CCDC50: variants seen among roughly 807,000 people sequenced by gnomAD.
The protein encoded by CCDC50 is coiled-coil domain-containing protein 50.
CCDC50 carries 54 observed loss-of-function variants against 70.2 expected under a neutral mutation model. The observed-to-expected ratio is 0.77, with a 90% CI of 0.62 to 0.96. CCDC50 has a LOEUF of 0.96. Among genes scored for constraint, CCDC50 ranks in the 50% least tolerant of loss-of-function variants. The pLI, the probability that CCDC50 is intolerant of heterozygous loss-of-function variation, is 0.00. For missense variants in CCDC50, 558 were observed against 578.7 expected (o/e 0.96, Z 0.37); for synonymous variants, 216 against 198.8 (o/e 1.09, Z -0.73).
chr3:191,386,300 C>CT (rs1314033528), intron 10 of CCDC50, among the ~76,000 whole-genome samples: 12 of 146,596 alleles, frequency 8.2e-5, no homozygotes, highest in Non-Finnish European at 1.5e-5. Flanking sequence ...CCTGGGCTCA[C>CT]TGCAACCTCT....
chr3:191,336,663 GA>G, intron 1 of CCDC50, among the ~76,000 whole-genome samples: 1 of 152,154 alleles, frequency 6.6e-6, no homozygotes, highest in South Asian at 2.1e-4. Context: ...AGCCCTACTT[GA>G]TATTAGCTAA....
chr3:191,357,344 G>A (rs1435913331), intron 2 of CCDC50, among the ~76,000 whole-genome samples, 194 bp downstream of exon 2: 2 of 152,174 alleles, frequency 1.3e-5, no homozygotes, highest in Admixed American at 6.5e-5. Flanking sequence ...AAGATAGGCT[G>A]CCAGGAATTA....
In CCDC50 at chr3:191,393,365, A is replaced by T. The variant is rs1450647516; in HGVS notation, c.*1605A>T. 1 of 152,174 alleles carries T rather than the reference A, an allele frequency of 6.6e-6. No homozygotes were observed. The highest frequency in any genetic ancestry group is 1.5e-5 in the Non-Finnish European group (1 of 68,044). 9.4% of individuals were successfully genotyped at this position (152,174 alleles called of 1,614,324 possible). On this transcript the variant is annotated 3_prime_UTR_variant, in exon 12 of 12. Transcript: ENST00000392455. ...AGGGAAAAAATATGTAGGTCACTAG[A>T]GAAAAATGTTAATTTTTTTCCCACT...
At chr3:191,346,117 G>A (rs984616162) in intron 1 of CCDC50, among the ~76,000 whole-genome samples, 1 of 152,244 alleles carries the variant, frequency 6.6e-6, no homozygotes, top group South Asian at 2.1e-4. Flanking sequence ...GGGACCATAT[G>A]TGGGCTTTAC....
At chr3:191,374,985 C>T in intron 5 of CCDC50, 77 bp from the exon 6 acceptor site, 1 of 1,435,920 alleles carries the variant, frequency 7.0e-7, no homozygotes, top group South Asian at 1.2e-5. Context: ...CCCAGACTCC[C>T]CCCTGTGTAG....
chr3:191,339,944 G>A (rs1711664965), intron 1 of CCDC50, among the ~76,000 whole-genome samples: 1 of 152,152 alleles, frequency 6.6e-6, no homozygotes, highest in African/African-American at 2.4e-5. Flanking sequence ...AGTGAAATCA[G>A]CAGCAGCAAT....
chr3:191,365,088 A>ATGTGTG (rs111869044), intron 4 of CCDC50, among the ~76,000 whole-genome samples: 33,516 of 151,498 alleles, frequency 0.22, 3,783 homozygotes, highest in Non-Finnish European at 0.25. Flanking sequence ...GCATGACTAG[A>ATGTGTG]TGTGTGTGTG....
intron 1 of CCDC50, among the ~76,000 whole-genome samples, chr3:191,331,363 A>C (rs566692491): frequency 6.6e-6 from 1 of 152,338 alleles, no homozygotes; most frequent in Admixed American, 6.5e-5. Context: ...TCGTACCAAG[A>C]CATGAATGAT....
rs751140851 is a variant in CCDC50 at position 191,375,266 on chromosome 3, T to C, written c.653T>C (p.Ile218Thr). 1.9e-6 allele frequency: 3 copies of C among 1,613,680 alleles called. No homozygotes were observed. Among genetic ancestry groups the C allele is most frequent in the Non-Finnish European group, 2.5e-6 (3 of 1,179,802 alleles). Residue 218 changes from isoleucine (I) to threonine (T), a missense_variant, in exon 6 of 12, where the codon ATT becomes ACT. By Grantham distance (89) the Ile-to-Thr change is moderately conservative. Transcript: ENST00000392455. ...SSGKGRDNPH[I>T]NNEQHERKRS... ...GGCAAAGGGAGGGACAATCCCCATA[T>C]TAACAATGAGCAGCATGAAAGGAAA...
At chr3:191,369,742 T>C (rs552712393) in intron 4 of CCDC50, among the ~76,000 whole-genome samples, 177 bp from the exon 5 acceptor site, 7 of 152,336 alleles carry the variant, frequency 4.6e-5, no homozygotes, top group African/African-American at 1.7e-4. Flanking sequence ...ATCTAGATCA[T>C]GTGCTACTCC....
At chr3:191,339,404 G>A (rs1454931423) in intron 1 of CCDC50, among the ~76,000 whole-genome samples, 2 of 152,154 alleles carry the variant, frequency 1.3e-5, no homozygotes, top group Non-Finnish European at 2.9e-5. Flanking sequence ...TATAAAAAAA[G>A]TGAGGCAAGT....
At chr3:191,330,071 G>A (rs752388315) in intron 1 of CCDC50, among the ~76,000 whole-genome samples, 5 of 152,056 alleles carry the variant, frequency 3.3e-5, no homozygotes, top group African/African-American at 4.8e-5. Flanking sequence ...AAAAATCGAG[G>A]CCCAGCCTGG....
At chr3:191,380,390 G>C in intron 7 of CCDC50, 116 bp downstream of exon 7, 2 of 766,418 alleles carry the variant, frequency 2.6e-6, no homozygotes, top group Non-Finnish European at 4.6e-6. Flanking sequence ...CTTTTTTTAT[G>C]AGTGGAAAAA....
intron 4 of CCDC50, among the ~76,000 whole-genome samples, chr3:191,361,836 T>TAG (rs1712500895): frequency 6.6e-6 from 1 of 152,176 alleles, no homozygotes; most frequent in Admixed American, 6.5e-5. Flanking sequence ...GGGTTGTTCT[T>TAG]GCAGCATTAG....
chr3:191,377,670 T>G (rs952423498), intron 6 of CCDC50, among the ~76,000 whole-genome samples: 8 of 152,302 alleles, frequency 5.3e-5, no homozygotes, highest in South Asian at 2.1e-4. Context: ...TCAAAAAGAA[T>G]CTATCATTTT....
intron 4 of CCDC50, among the ~76,000 whole-genome samples, chr3:191,369,024 G>A (rs746968526): frequency 2.0e-5 from 3 of 152,078 alleles, no homozygotes; most frequent in Non-Finnish European, 4.4e-5. Context: ...TCCAGCCTTA[G>A]ACTGTTTTTC....
At chr3:191,345,559 T>C (rs188866687) in intron 1 of CCDC50, among the ~76,000 whole-genome samples, 2 of 152,292 alleles carry the variant, frequency 1.3e-5, no homozygotes, top group Admixed American at 1.3e-4. Context: ...CTGATAATGA[T>C]GTAGATGGTC....
intron 10 of CCDC50, among the ~76,000 whole-genome samples, chr3:191,383,533 ACT>A (rs1713393892): frequency 1.3e-5 from 2 of 151,920 alleles, no homozygotes; most frequent in African/African-American, 2.4e-5. Flanking sequence ...AATTTTGAAA[ACT>A]CTGAATTATT....
At chr3:191,340,142 A>G (rs940495743) in intron 1 of CCDC50, among the ~76,000 whole-genome samples, 1 of 152,200 alleles carries the variant, frequency 6.6e-6, no homozygotes, top group African/African-American at 2.4e-5. Context: ...TTAAGAGGTA[A>G]TTTAATCTGT....
Sources: gnomAD v4.1 joint callset for allele counts (sites outside exome capture counted in the v4.1 genomes callset) on GRCh38, gnomAD v4.1.1 for gene constraint, MANE v1.5 for transcripts, NCBI Gene and HGNC (gene_info 2026-07-23, HGNC 2026-07-21) for gene names.